SLC6A7: variants seen among roughly 807,000 people sequenced by gnomAD.
SLC6A7 encodes solute carrier family 6 member 7.
In SLC6A7, 58 loss-of-function variants were observed where a neutral mutation model predicts 73.1. The observed-to-expected ratio is 0.79, with a 90% CI of 0.64 to 0.99. The LOEUF is 0.99. Among genes scored for constraint, SLC6A7 ranks in the 50% least tolerant of loss-of-function variants. The probability of loss-of-function intolerance (pLI) is 0.00; values close to 1 mark genes in which losing one functional copy is unlikely to be tolerated. For missense variants in SLC6A7, 783 were observed against 831.4 expected (o/e 0.94, Z 0.72); for synonymous variants, 338 against 338.7 (o/e 1.00, Z 0.02).
Position 150,205,955 on chromosome 5 carries a change from G to A in SLC6A7, c.1701+332G>A, listed in dbSNP as rs76599548. Among the ~76,000 whole-genome samples, 1,183 of 152,282 alleles carry A rather than the reference G, an allele frequency of 7.8e-3. 19 individuals carry two copies. Among genetic ancestry groups the A allele is most frequent in the African/African-American group, 0.027 (1,117 of 41,534 alleles). On this transcript the variant is annotated intron_variant, in intron 13 of 13. Transcript: ENST00000230671. Reference sequence around the variant, plus strand: ...CTTCTGGAACTCAGGGTCAAATGGCGACAGTGAGGGACCCCAGAGGGCAGG... The same window carrying A: ...CTTCTGGAACTCAGGGTCAAATGGCAACAGTGAGGGACCCCAGAGGGCAGG...
At chr5:150,208,568 C>T (rs1166200076) in intron 13 of SLC6A7, among the ~76,000 whole-genome samples, 1 of 152,202 alleles carries the variant, frequency 6.6e-6, no homozygotes, top group Non-Finnish European at 1.5e-5. Flanking sequence ...ATGCGTTCAA[C>T]ACATCTTCCT....
rs574000955 is a variant in SLC6A7 at position 150,209,797 on chromosome 5, C to A, written c.*182C>A. 7 of 617,972 alleles carry A rather than the reference C, an allele frequency of 1.1e-5. No homozygotes were observed. In the East Asian group the frequency reaches 1.4e-4, roughly 12 times the overall value. 38.3% of individuals were successfully genotyped at this position (617,972 alleles called of 1,614,324 possible). ...CTGCCTCTCCTGAAACCTCTGACAA[C>A]CCCCTACACACACACACAGGCATAC... On this transcript the variant is annotated 3_prime_UTR_variant, in exon 14 of 14. Transcript: ENST00000230671.
rs1290736161 is a variant in SLC6A7 at position 150,205,530 on chromosome 5, G to A, written c.1608G>A (p.Glu536=). The stretch of plus-strand genomic sequence containing the variant: ...GTTACCGCTTCCCGCCCTGGGCTGA[G>A]CTGCTGGGCATCCTGATGGGCCTGC... ...YGSYRFPPWA[E]LLGILMGLLS... Residue 536 remains glutamate, a synonymous_variant, in exon 13 of 14, where the codon GAG becomes GAA. Transcript: ENST00000230671. 1.2e-6 allele frequency: 2 copies of A among 1,613,590 alleles called. No individual in the cohort carries two copies. The highest frequency in any genetic ancestry group is 1.7e-6 in the Non-Finnish European group (2 of 1,179,770).
At chr5:150,207,695 C>G (rs150371631) in intron 13 of SLC6A7, among the ~76,000 whole-genome samples, 2 of 152,200 alleles carry the variant, frequency 1.3e-5, no homozygotes, top group African/African-American at 2.4e-5. Flanking sequence ...ACCTGTGTGA[C>G]CTTGGCCAAC....
chr5:150,205,806 A>G (rs928655959), intron 13 of SLC6A7, among the ~76,000 whole-genome samples, 183 bp downstream of exon 13: 1 of 152,224 alleles, frequency 6.6e-6, no homozygotes, highest in Non-Finnish European at 1.5e-5. Flanking sequence ...TTTGTACCAC[A>G]TGAAGCCTTA....
rs776879760 is a variant in SLC6A7, at chr5:150,197,013, G to T, written c.350-29G>T. ...CCCGGCTGGCAGAGAGCTTGGCCTG[G>T]GCAGCCCAGCAGCCTCTCCCCACAC... On this transcript the variant is annotated intron_variant, in intron 3 of 13. Transcript: ENST00000230671. 6.2e-6 allele frequency: 10 copies of T among 1,601,366 alleles called. No individual in the cohort carries two copies. In the South Asian group the frequency reaches 7.7e-5, roughly 12 times the overall value.
At chr5:150,202,266 G>T in intron 6 of SLC6A7, 81 bp from the exon 7 acceptor site, 2 of 983,842 alleles carry the variant, frequency 2.0e-6, no homozygotes, top group Non-Finnish European at 3.2e-6. Context: ...CCCTGGAGCT[G>T]TCACACCATC....
chr5:150,203,861 G>C (rs758585526), intron 9 of SLC6A7, 46 bp from the exon 10 acceptor site: 2 of 1,573,078 alleles, frequency 1.3e-6, no homozygotes, highest in Non-Finnish European at 1.7e-6. Flanking sequence ...GTGTGTGTGT[G>C]TGTTGGGGAT....
intron 6 of SLC6A7, 76 bp downstream of exon 6, chr5:150,201,299 A>C: frequency 8.9e-7 from 1 of 1,126,118 alleles, no homozygotes; most frequent in Non-Finnish European, 1.3e-6. Context: ...TCCCTGGGAC[A>C]CCGCAGTACC....
Position 150,194,870 on chromosome 5 carries a change from A to G in SLC6A7, c.176A>G (p.Asn59Ser). 6.2e-7 allele frequency: 1 copy of G among 1,614,072 alleles called. No individual in the cohort carries two copies. Among genetic ancestry groups the G allele is most frequent in the Non-Finnish European group, 8.5e-7 (1 of 1,179,986 alleles). Residue 59 changes from asparagine to serine, a missense_variant, in exon 2 of 14, where the codon AAT (asparagine) becomes AGT (serine). Transcript: ENST00000230671. Reference sequence around the variant, plus strand: ...ATTGGCTACTGTGTAGGCCTGGGGAATGTCTGGCGCTTCCCCTATCGAGCG... The same window carrying G: ...ATTGGCTACTGTGTAGGCCTGGGGAGTGTCTGGCGCTTCCCCTATCGAGCG... ...SCIGYCVGLG[N>S]VWRFPYRAYT...
In SLC6A7 at chr5:150,199,296, G is replaced by A. The variant is rs1241145769; in HGVS notation, c.653G>A (p.Cys218Tyr). ...GSPGEIRWNL[C>Y]LCLLLAWVIV... ...CCTGGGGAGATCCGCTGGAACCTCT[G>A]CCTCTGCCTGCTGCTGGCCTGGGTC... Residue 218 changes from cysteine to tyrosine, a missense_variant, in exon 5 of 14, where the codon TGC becomes TAC. Physicochemically the swap from Cys to Tyr is radical, Grantham distance 194 (BLOSUM62 -2). Coordinates refer to ENST00000230671, the MANE Select transcript of SLC6A7 (RefSeq NM_014228.5). 1.9e-6 allele frequency: 3 copies of A among 1,614,014 alleles called. No homozygotes were observed. The highest frequency in any genetic ancestry group is 2.5e-6 in the Non-Finnish European group (3 of 1,179,994).
chr5:150,205,621 G>A lies in SLC6A7; in HGVS notation c.1699G>A (p.Glu567Lys). 1.9e-6 allele frequency: 3 copies of A among 1,606,330 alleles called. No individual in the cohort carries two copies. The highest frequency in any genetic ancestry group is 2.6e-6 in the Non-Finnish European group (3 of 1,176,442). ...AVLREEGSLW[E>K]RLQQASRPAM... Reference sequence around the variant, plus strand: ...GCTTCGAGAAGAGGGCTCACTCTGGGAGGTGAGTCTGCCCACCCTGTCCAC... The same window carrying A: ...GCTTCGAGAAGAGGGCTCACTCTGGAAGGTGAGTCTGCCCACCCTGTCCAC... The change falls in exon 13 of 14, where the codon GAG becomes AAG. Residue 567 changes from glutamate to lysine, a missense_variant and splice_region_variant. Coordinates refer to ENST00000230671, the MANE Select transcript of SLC6A7 (RefSeq NM_014228.5).
At chr5:150,196,869 G>A in intron 3 of SLC6A7, 22 bp downstream of exon 3, 4 of 1,610,524 alleles carry the variant, frequency 2.5e-6, no homozygotes, top group Non-Finnish European at 3.4e-6. Flanking sequence ...GTGGTCCCCA[G>A]GGAGGGAAGG....
At chr5:150,199,494 C>G in intron 5 of SLC6A7, 128 bp downstream of exon 5, 1 of 646,790 alleles carries the variant, frequency 1.5e-6, no homozygotes, top group Non-Finnish European at 2.6e-6. Context: ...AGGGAGAGAG[C>G]CTTGAGACTG....
intron 2 of SLC6A7, 88 bp downstream of exon 2, chr5:150,194,999 T>A (rs1419573155): frequency 8.4e-7 from 1 of 1,197,238 alleles, no homozygotes; most frequent in Non-Finnish European, 1.2e-6. Context: ...CCTCAGCCAC[T>A]GTCTCCTAGG....
intron 1 of SLC6A7, among the ~76,000 whole-genome samples, chr5:150,192,617 T>G (rs1349533842): frequency 1.3e-5 from 2 of 152,192 alleles, no homozygotes; most frequent in African/African-American, 4.8e-5. Flanking sequence ...CCTGATTGGC[T>G]CAGCTTTGGA....
chr5:150,205,053 A>T, intron 12 of SLC6A7, 126 bp downstream of exon 12: 2 of 623,210 alleles, frequency 3.2e-6, no homozygotes, highest in South Asian at 3.9e-5. Context: ...TGGCCACCAG[A>T]ATCCTAGTCC....
At chr5:150,201,055 C>T (rs898935512) in intron 5 of SLC6A7, 34 bp from the exon 6 acceptor site, 15 of 1,610,944 alleles carry the variant, frequency 9.3e-6, no homozygotes, top group South Asian at 2.2e-5. Context: ...TCAAGGTCCC[C>T]GATGCCATCA....
intron 4 of SLC6A7, among the ~76,000 whole-genome samples, chr5:150,198,116 AG>A (rs374329002): frequency 0.16 from 13,176 of 84,678 alleles, 965 homozygotes; most frequent in Middle Eastern, 0.22. Flanking sequence ...AGAAAGAAAG[AG>A]AAAGAAAGAA....
Sources: gnomAD v4.1 joint callset for allele counts (sites outside exome capture counted in the v4.1 genomes callset) on GRCh38, gnomAD v4.1.1 for gene constraint, MANE v1.5 for transcripts, NCBI Gene and HGNC (gene_info 2026-07-23, HGNC 2026-07-21) for gene names.